Variants in MYRIP observed in about 807,000 individuals in gnomAD.
MYRIP encodes myosin VIIA and Rab interacting protein, also known as rab effector MyRIP.
MYRIP carries 49 observed loss-of-function variants against 98.0 expected under a neutral mutation model. That is an observed-to-expected ratio of 0.50 (90% CI 0.40 to 0.63). The LOEUF is 0.63. MYRIP is among the 30% of genes least tolerant of loss of function. The pLI, the probability that MYRIP is intolerant of heterozygous loss-of-function variation, is 0.00. For missense variants in MYRIP, 1,004 were observed against 1,058.2 expected (o/e 0.95, Z 0.71); for synonymous variants, 404 against 409.5 (o/e 0.99, Z 0.16).
intron 8 of MYRIP, among the ~76,000 whole-genome samples, chr3:40,180,034 C>T (rs1331885343): frequency 6.6e-6 from 1 of 152,142 alleles, no homozygotes; most frequent in Non-Finnish European, 1.5e-5. Flanking sequence ...AATACCTAGC[C>T]CTGTGAAAAC....
At chr3:40,167,365 T>C (rs1418283800) in intron 7 of MYRIP, 126 bp downstream of exon 7, 9 of 868,128 alleles carry the variant, frequency 1.0e-5, no homozygotes, top group South Asian at 9.7e-5. Flanking sequence ...CTTCTCACTT[T>C]AGACTTTTGT....
intron 4 of MYRIP, among the ~76,000 whole-genome samples, chr3:40,160,103 G>T (rs892922680): frequency 6.6e-6 from 1 of 152,188 alleles, no homozygotes; most frequent in Non-Finnish European, 1.5e-5. Context: ...TTTCTGCTCT[G>T]TTTTTCCCCA....
At chr3:40,120,439 G>A in intron 3 of MYRIP, among the ~76,000 whole-genome samples, 1 of 152,190 alleles carries the variant, frequency 6.6e-6, no homozygotes, top group East Asian at 1.9e-4. Context: ...ATATGAAGAT[G>A]TTATCAGAGC....
intron 3 of MYRIP, among the ~76,000 whole-genome samples, chr3:40,047,115 A>G (rs1013393873): frequency 6.6e-6 from 1 of 152,232 alleles, no homozygotes; most frequent in Non-Finnish European, 1.5e-5. Flanking sequence ...CAAAAGCAAG[A>G]TCTTCTGATG....
intron 2 of MYRIP, among the ~76,000 whole-genome samples, chr3:40,041,001 A>G (rs1171812533): frequency 7.7e-6 from 1 of 130,326 alleles, no homozygotes; most frequent in South Asian, 2.4e-4. Flanking sequence ...AAAGAAAAAA[A>G]AAAAGAAAAT....
Position 40,182,408 on chromosome 3 carries a change from G to A in MYRIP, c.1027+35G>A, listed in dbSNP as rs753501460. The A allele has an allele frequency of 3.6e-4, 576 of 1,588,946 alleles. 3 individuals carry two copies. Among genetic ancestry groups the A allele is most frequent in the Middle Eastern group, 1.7e-4 (1 of 5,910 alleles). On this transcript the variant is annotated intron_variant, in intron 9 of 16. Coordinates refer to ENST00000302541, the MANE Select transcript of MYRIP (RefSeq NM_015460.4). ...TTAAGCAGTATCTAGTTGGTCTGTG[G>A]GTTTCAAAAGTGTGGTTTGGAGACA... is the stretch of plus-strand genomic sequence containing the variant.
At chr3:40,218,615 TA>T (rs1559460388) in intron 11 of MYRIP, among the ~76,000 whole-genome samples, 8 of 7,692 alleles carry the variant, frequency 1.0e-3, no homozygotes, top group Admixed American at 2.6e-3. Context: ...ATATATTTTA[TA>T]TATATATATA....
rs566991798 is a variant in MYRIP at position 40,139,879 on chromosome 3, C to T, written c.333-11169C>T. Among the ~76,000 whole-genome samples the T allele has an allele frequency of 1.1e-4, 17 of 152,312 alleles. No homozygotes were observed. In the South Asian group the frequency reaches 2.5e-3, roughly 22 times the overall value. On this transcript the variant is annotated intron_variant, in intron 3 of 16. Coordinates refer to ENST00000302541, the MANE Select transcript of MYRIP (RefSeq NM_015460.4). ...ACAGATGTGAGCCACCACACCCTGC[C>T]AGCAGTTCCTTTTTATTGTTGAATA...
At chr3:40,171,791 T>C (rs147431016) in intron 8 of MYRIP, among the ~76,000 whole-genome samples, 1 of 152,382 alleles carries the variant, frequency 6.6e-6, no homozygotes, top group Non-Finnish European at 1.5e-5. Context: ...TGCAAGGCAC[T>C]GTGCTAGGTG....
At chr3:40,231,494 A>G (rs1343474638) in intron 11 of MYRIP, among the ~76,000 whole-genome samples, 2 of 152,240 alleles carry the variant, frequency 1.3e-5, no homozygotes, top group South Asian at 2.1e-4. Flanking sequence ...TTCCAGGCCA[A>G]AAACCATGGG....
At chr3:39,996,057 G>A (rs1184600788) in intron 2 of MYRIP, among the ~76,000 whole-genome samples, 5 of 152,200 alleles carry the variant, frequency 3.3e-5, no homozygotes, top group South Asian at 2.1e-4. Context: ...AAGAACAACC[G>A]GTACCAGCCA....
intron 2 of MYRIP, among the ~76,000 whole-genome samples, chr3:39,925,268 C>T (rs998956208): frequency 3.3e-5 from 5 of 152,016 alleles, no homozygotes; most frequent in Non-Finnish European, 5.9e-5. Flanking sequence ...CAGACAATAT[C>T]AATATAGACT....
intron 1 of MYRIP, among the ~76,000 whole-genome samples, chr3:39,834,950 A>G (rs1270737556): frequency 2.0e-5 from 3 of 152,332 alleles, no homozygotes; most frequent in South Asian, 4.1e-4. Context: ...TGCTAGGAGT[A>G]AAAAGGACAG....
At chr3:40,250,178 T>C (rs9845831) in intron 13 of MYRIP, 44 bp from the exon 14 acceptor site, 21,501 of 1,468,638 alleles carry the variant, frequency 0.015, 717 homozygotes, top group African/African-American at 0.11. Context: ...ATTTTCCCCT[T>C]CCGTATTTTC....
chr3:39,868,314 CT>C (rs1385714721), intron 1 of MYRIP, among the ~76,000 whole-genome samples: 1 of 152,144 alleles, frequency 6.6e-6, no homozygotes, highest in African/African-American at 2.4e-5. Context: ...ATCCATTTGA[CT>C]TTTTTGGGGG....
chr3:40,133,321 A>T (rs1949684984), intron 3 of MYRIP, among the ~76,000 whole-genome samples: 1 of 152,260 alleles, frequency 6.6e-6, no homozygotes, highest in Non-Finnish European at 1.5e-5. Flanking sequence ...ATATGCTGTA[A>T]TCATGTTCCA....
At chr3:40,222,121 G>C (rs940727858) in intron 11 of MYRIP, among the ~76,000 whole-genome samples, 2 of 152,228 alleles carry the variant, frequency 1.3e-5, no homozygotes, top group Admixed American at 1.3e-4. Flanking sequence ...GTGTATAGCA[G>C]CAGCAGAGGT....
At chr3:40,129,878 C>T (rs929606378) in intron 3 of MYRIP, among the ~76,000 whole-genome samples, 12 of 152,190 alleles carry the variant, frequency 7.9e-5, no homozygotes, top group African/African-American at 2.9e-4. Flanking sequence ...AATTTCAGTG[C>T]TGTTCTATGT....
At chr3:40,249,984 G>T (rs1244371693) in intron 13 of MYRIP, among the ~76,000 whole-genome samples, 1 of 152,072 alleles carries the variant, frequency 6.6e-6, no homozygotes, top group Non-Finnish European at 1.5e-5. Flanking sequence ...ACTCTGACAG[G>T]ATTGTTGACA....
Sources: allele counts gnomAD v4.1 joint callset (sites outside exome capture counted in the v4.1 genomes callset), GRCh38; gene constraint gnomAD v4.1.1; transcripts MANE v1.5; gene names NCBI Gene and HGNC (gene_info 2026-07-23, HGNC 2026-07-21).